The following NCOR1 variants were observed in gnomAD, a reference collection of about 807,000 sequenced individuals.
NCOR1 encodes nuclear receptor corepressor 1.
NCOR1 carries 63 observed loss-of-function variants against 288.1 expected under a neutral mutation model. That is an observed-to-expected ratio of 0.22 (90% CI 0.18 to 0.27). The LOEUF (loss-of-function observed/expected upper bound fraction) is 0.27. NCOR1 is among the 10% of genes least tolerant of loss of function. The pLI is 1.00. For synonymous variants in NCOR1, 1,007 were observed against 1,065.9 expected (o/e 0.94, Z 1.08); for missense variants, 2,397 against 3,019.2 (o/e 0.79, Z 4.83).
chr17:16,075,070 G>A (rs1042409744), intron 27 of NCOR1, among the ~76,000 whole-genome samples: 7 of 152,066 alleles, frequency 4.6e-5, no homozygotes, highest in South Asian at 2.1e-4. Flanking sequence ...GGGTTTCACC[G>A]TGTTAGCCAG....
intron 15 of NCOR1, among the ~76,000 whole-genome samples, chr17:16,125,650 C>T (rs1387835639): frequency 2.1e-5 from 3 of 144,844 alleles, no homozygotes; most frequent in Non-Finnish European, 4.5e-5. Context: ...TGCAGTGAGC[C>T]GAGATCATGC....
Position 16,143,643 on chromosome 17 carries a change from T to G in NCOR1, c.1136A>C (p.Glu379Ala). ...LSATIARSEH[E>A]ISEIIDGLSE... ...GAGCCCATCAATAATTTCAGAAATC[T>G]CATGCTCACTCCTAGCAATGGTGGC... is the stretch of plus-strand genomic sequence containing the variant. Residue 379 changes from glutamate to alanine, a missense_variant, in exon 11 of 46, where the codon GAG becomes GCG. Physicochemically the swap from Glu to Ala is moderately radical, Grantham distance 107 (BLOSUM62 -1). Transcript: ENST00000268712. The G allele has an allele frequency of 6.2e-7, 1 of 1,613,954 alleles. No homozygotes were observed. The highest frequency in any genetic ancestry group is 8.5e-7 in the Non-Finnish European group (1 of 1,179,866).
intron 1 of NCOR1, among the ~76,000 whole-genome samples, chr17:16,202,635 C>T (rs935109229): frequency 1.3e-5 from 2 of 152,094 alleles, no homozygotes; most frequent in Non-Finnish European, 2.9e-5. Flanking sequence ...TTGGTGTGTG[C>T]GTGAGCTCAC....
chr17:16,039,378 T>TGCATCAG, intron 44 of NCOR1, 55 bp downstream of exon 44: 1 of 1,547,426 alleles, frequency 6.5e-7, no homozygotes, highest in Non-Finnish European at 8.9e-7. Context: ...ATTTGGGAAA[T>TGCATCAG]AAACTGGCTT....
rs1043886159 is a variant in NCOR1, at chr17:16,034,928, T to C, written c.6972A>G (p.Pro2324=). 2 of 1,613,940 alleles carry C rather than the reference T, an allele frequency of 1.2e-6. No homozygotes were observed. The highest frequency in any genetic ancestry group is 1.3e-5 in the African/African-American group (1 of 74,922). ...PSPHSGGVCK[P]KLISKSNSRK... Reference sequence around the variant, plus strand: ...TGCTGTTTGACTTGCTGATCAGCTTTGGTTTGCAAACTCCTCCTGAAAGTG... The same window carrying C: ...TGCTGTTTGACTTGCTGATCAGCTTCGGTTTGCAAACTCCTCCTGAAAGTG... Residue 2324 remains proline (P), a synonymous_variant, in exon 45 of 46, where the codon CCA becomes CCG. Coordinates refer to ENST00000268712, the MANE Select transcript of NCOR1 (RefSeq NM_006311.4).
At chr17:16,116,962 C>T (rs1165514500) in intron 18 of NCOR1, among the ~76,000 whole-genome samples, 4 of 152,050 alleles carry the variant, frequency 2.6e-5, no homozygotes, top group African/African-American at 4.8e-5. Context: ...ACCATAAATG[C>T]AAATGTCATA....
At chr17:16,172,999 C>A (rs1040913852) in intron 3 of NCOR1, among the ~76,000 whole-genome samples, 1 of 152,110 alleles carries the variant, frequency 6.6e-6, no homozygotes, top group African/African-American at 2.4e-5. Flanking sequence ...TGCCCCATCT[C>A]GGCTCACTGC....
At chr17:16,036,085 T>C (rs906311524) in intron 44 of NCOR1, among the ~76,000 whole-genome samples, 1 of 152,276 alleles carries the variant, frequency 6.6e-6, no homozygotes, top group African/African-American at 2.4e-5. Flanking sequence ...TATTGCCTTA[T>C]GAAATGTATT....
At chr17:16,091,834 T>C (rs778392392) in intron 22 of NCOR1, 29 bp downstream of exon 22, 2 of 1,613,040 alleles carry the variant, frequency 1.2e-6, no homozygotes, top group East Asian at 2.2e-5. Context: ...TTCATAAAAG[T>C]TCTCTTGGTG....
intron 9 of NCOR1, 102 bp downstream of exon 9, chr17:16,149,349 T>C: frequency 2.4e-6 from 1 of 423,480 alleles, no homozygotes; most frequent in Non-Finnish European, 4.4e-6. Flanking sequence ...TATCCTCAAA[T>C]GGAGTCAAGG....
chr17:16,084,615 G>T (rs2063924589), intron 23 of NCOR1, among the ~76,000 whole-genome samples: 1 of 152,164 alleles, frequency 6.6e-6, no homozygotes, highest in African/African-American at 2.4e-5. Context: ...ACAAAACGAT[G>T]AACAAGTAGA....
At chr17:16,070,740 G>A (rs2061653610) in intron 30 of NCOR1, among the ~76,000 whole-genome samples, 1 of 152,118 alleles carries the variant, frequency 6.6e-6, no homozygotes, top group African/African-American at 2.4e-5. Context: ...ATGATAAGAA[G>A]TACACAAGGC....
intron 19 of NCOR1, among the ~76,000 whole-genome samples, chr17:16,106,854 C>CATATATATATATATATATATAT (rs1162344281): frequency 8.7e-5 from 4 of 46,154 alleles, no homozygotes; most frequent in East Asian, 7.4e-4. Context: ...CTTGATCAGA[C>CATATATATATATATATATATAT]ATATATATAT....
chr17:16,185,872 G>C (rs949435647), intron 3 of NCOR1, among the ~76,000 whole-genome samples: 1 of 151,748 alleles, frequency 6.6e-6, no homozygotes, highest in Non-Finnish European at 1.5e-5. Context: ...AGGAGGTTGA[G>C]GCTGCAATGA....
chr17:16,212,450 T>TA (rs949716912), intron 1 of NCOR1, among the ~76,000 whole-genome samples: 6 of 152,146 alleles, frequency 3.9e-5, no homozygotes, highest in African/African-American at 1.4e-4. Context: ...AATCTACAAA[T>TA]AAGACTATAC....
chr17:16,065,151 C>T, intron 33 of NCOR1, 132 bp from the exon 34 acceptor site: 1 of 858,894 alleles, frequency 1.2e-6, no homozygotes, highest in Non-Finnish European at 1.8e-6. Flanking sequence ...TGTTTACTAT[C>T]ATCATTACTT....
chr17:16,090,188 T>G (rs2064954575), intron 22 of NCOR1, among the ~76,000 whole-genome samples: 1 of 152,126 alleles, frequency 6.6e-6, no homozygotes, highest in South Asian at 2.1e-4. Context: ...TAAAAGATAT[T>G]GAGGCTTTAA....
intron 41 of NCOR1, 25 bp downstream of exon 41, chr17:16,048,820 T>G: frequency 6.4e-7 from 1 of 1,569,506 alleles, no homozygotes; most frequent in South Asian, 1.2e-5. Flanking sequence ...CATGAATGGT[T>G]GCTGTCACTA....
At chr17:16,124,704 T>C (rs879418397) in intron 15 of NCOR1, among the ~76,000 whole-genome samples, 4 of 152,220 alleles carry the variant, frequency 2.6e-5, no homozygotes, top group Non-Finnish European at 5.9e-5. Flanking sequence ...TTTCCTGTTT[T>C]TCTATAATGT....
Sources: gnomAD v4.1 joint callset for allele counts (sites outside exome capture counted in the v4.1 genomes callset) on GRCh38, gnomAD v4.1.1 for gene constraint, MANE v1.5 for transcripts, NCBI Gene and HGNC (gene_info 2026-07-23, HGNC 2026-07-21) for gene names.